AACS: variants seen among roughly 807,000 people sequenced by gnomAD.
AACS encodes acetoacetyl-CoA synthetase.
A neutral mutation model predicts 83.1 loss-of-function variants in AACS; 69 were observed. That is an observed-to-expected ratio of 0.83 (90% CI 0.68 to 1.01). The LOEUF (loss-of-function observed/expected upper bound fraction) is 1.01, where lower values mean the gene tolerates loss of function less well. Ranked by LOEUF, AACS falls within the 50% of genes least tolerant of loss-of-function variation. The probability of loss-of-function intolerance (pLI) is 0.00; values close to 1 mark genes in which losing one functional copy is unlikely to be tolerated. For synonymous variants in AACS, 333 were observed against 343.4 expected, an observed-to-expected ratio of 0.97 and a Z score of 0.33; for missense variants, 866 against 882.2, an observed-to-expected ratio of 0.98 and a Z score of 0.23.
In AACS at chr12:125,142,152, G is replaced by A. The variant is rs765733198; in HGVS notation, c.1942G>A (p.Val648Met). Reference protein sequence around the residue: ...AVKQIIAGKAVEQGGAFSNPE... With the variant: ...AVKQIIAGKAMEQGGAFSNPE... The stretch of plus-strand genomic sequence containing the variant: ...CAAACAGATCATCGCTGGAAAAGCC[G>A]TGGAGCAAGGAGGTGCTTTCTCGAA... Residue 648 changes from valine (V) to methionine (M), a missense_variant, in exon 18 of 18, where the codon GTG becomes ATG. Coordinates refer to ENST00000316519, the MANE Select transcript of AACS (RefSeq NM_023928.5). 9 of 1,614,066 alleles carry A rather than the reference G, an allele frequency of 5.6e-6. No homozygotes were observed. The highest frequency in any genetic ancestry group is 5.3e-5 in the African/African-American group (4 of 74,900).
chr12:125,098,695 C>T (rs765458486), intron 5 of AACS, among the ~76,000 whole-genome samples: 45 of 152,356 alleles, frequency 3.0e-4, no homozygotes, highest in Non-Finnish European at 4.4e-4. Flanking sequence ...TCAAGTGATC[C>T]ACCCGCCTTG....
intron 12 of AACS, chr12:125,127,947 C>T (rs1435090574): frequency 1.5e-5 from 6 of 399,604 alleles, no homozygotes; most frequent in African/African-American, 6.2e-5. Context: ...TCGGCTAAAA[C>T]GTCAATCACC....
intron 8 of AACS, among the ~76,000 whole-genome samples, chr12:125,110,980 T>C (rs1956942430): frequency 6.6e-6 from 1 of 152,060 alleles, no homozygotes. Context: ...GTGAAATAGA[T>C]TGAAGGTCCA....
At chr12:125,096,307 GGCCTGGCACATAGTAA>G (rs1411459566) in intron 5 of AACS, among the ~76,000 whole-genome samples, 15 of 152,322 alleles carry the variant, frequency 9.8e-5, no homozygotes, top group African/African-American at 3.6e-4. Context: ...CTCAGACTGG[GGCCTGGCACATAGTAA>G]GCATTCAGTA....
chr12:125,080,106 T>C (rs764418728), intron 3 of AACS, among the ~76,000 whole-genome samples: 1 of 152,240 alleles, frequency 6.6e-6, no homozygotes, highest in South Asian at 2.1e-4. Flanking sequence ...AAGAGGCTCC[T>C]GTGAGACTGG....
chr12:125,134,475 A>G (rs1957371973), intron 15 of AACS, among the ~76,000 whole-genome samples: 2 of 152,100 alleles, frequency 1.3e-5, no homozygotes, highest in South Asian at 2.1e-4. Flanking sequence ...CTGCCCTGTG[A>G]TGGGGTTCTC....
chr12:125,136,891 G>C lies in AACS; in HGVS notation c.1881+27G>C, dbSNP rs145105180. ...TATGGCCATCTCCCGCCAGCGAGGA[G>C]ACCGCAGCCATCGCCCCACGAGCCC... On this transcript the variant is annotated intron_variant, in intron 17 of 17. Coordinates refer to ENST00000316519, the MANE Select transcript of AACS (RefSeq NM_023928.5). 4.1e-4 allele frequency: 664 copies of C among 1,608,226 alleles called. 5 individuals are homozygous for C. In the African/African-American group the frequency reaches 7.6e-3, roughly 18 times the overall value.
Position 125,125,072 on chromosome 12 carries a change from A to T in AACS, c.1309+48A>T, listed in dbSNP as rs368373480. On this transcript the variant is annotated intron_variant, in intron 12 of 17. Transcript: ENST00000316519. Reference sequence around the variant, plus strand: ...CCTTCCAGCCATCCCCGCCGGCCCCATAAGTATGCACACCTCTGCCCAGTG... The same window carrying T: ...CCTTCCAGCCATCCCCGCCGGCCCCTTAAGTATGCACACCTCTGCCCAGTG... 2.4e-5 allele frequency: 38 copies of T among 1,612,132 alleles called. 1 individual carries two copies. The South Asian group carries it at 4.0e-4, about 17-fold the overall frequency.
chr12:125,091,285 G>A, intron 4 of AACS, 141 bp from the exon 5 acceptor site: 3 of 744,072 alleles, frequency 4.0e-6, no homozygotes, highest in African/African-American at 1.7e-5. Context: ...CATCTGGGCG[G>A]GGGCTGGTGG....
chr12:125,065,470 A>C lies in AACS; in HGVS notation c.-115A>C, dbSNP rs1955659566. 13 of 1,177,266 alleles carry C rather than the reference A, an allele frequency of 1.1e-5. No homozygotes were observed. Among genetic ancestry groups the C allele is most frequent in the Non-Finnish European group, 1.4e-5 (13 of 902,946 alleles). The allele number at this position is 1,177,266 out of a possible 1,614,324, so 72.9% of individuals were successfully genotyped here. ...TCCCCGCCGCCGCCGTCGCTGACCC[A>C]GCCCGCCAGGCGCTCCTGACCGTCG... On this transcript the variant is annotated 5_prime_UTR_variant, in exon 1 of 18. Transcript: ENST00000316519.
At chr12:125,100,467 G>A (rs1454649037) in intron 5 of AACS, among the ~76,000 whole-genome samples, 1 of 152,220 alleles carries the variant, frequency 6.6e-6, no homozygotes, top group Admixed American at 6.5e-5. Context: ...GTATGTTCTG[G>A]GGAGTGGGAA....
intron 2 of AACS, among the ~76,000 whole-genome samples, chr12:125,074,668 T>C (rs1487818807): frequency 6.8e-6 from 1 of 145,996 alleles, no homozygotes; most frequent in South Asian, 2.2e-4. Flanking sequence ...TAGTTTTTTT[T>C]TTTTTTTTTT....
intron 8 of AACS, 24 bp from the exon 9 acceptor site, chr12:125,114,453 C>A: frequency 1.2e-6 from 2 of 1,607,734 alleles, no homozygotes; most frequent in Middle Eastern, 1.7e-4. Context: ...AGAGAGCACC[C>A]GCTCCCCCGT....
chr12:125,082,347 T>C (rs1956211723), intron 3 of AACS, among the ~76,000 whole-genome samples: 1 of 151,164 alleles, frequency 6.6e-6, no homozygotes, highest in African/African-American at 2.4e-5. Flanking sequence ...ATTTCATTTT[T>C]TTTTTTTTTT....
At chr12:125,135,338 G>A (rs544778348) in intron 16 of AACS, among the ~76,000 whole-genome samples, 5 of 152,034 alleles carry the variant, frequency 3.3e-5, no homozygotes, top group South Asian at 2.1e-4. Context: ...CAAGTGATCC[G>A]CCTGCCTCGG....
At chr12:125,085,098 G>A (rs547918645) in intron 3 of AACS, among the ~76,000 whole-genome samples, 3 of 152,226 alleles carry the variant, frequency 2.0e-5, no homozygotes, top group Non-Finnish European at 2.9e-5. Context: ...AGGGGTCAGG[G>A]ATGACTATAA....
chr12:125,098,882 G>A (rs564924673), intron 5 of AACS, among the ~76,000 whole-genome samples: 1 of 152,224 alleles, frequency 6.6e-6, no homozygotes, highest in South Asian at 2.1e-4. Context: ...CAGATTTTGT[G>A]TGCAGCTGTT....
At chr12:125,133,884 A>T in intron 14 of AACS, 119 bp from the exon 15 acceptor site, 14 of 984,970 alleles carry the variant, frequency 1.4e-5, no homozygotes, top group Non-Finnish European at 2.2e-5. Context: ...CCCCAGCCCC[A>T]TGCCAGACCT....
chr12:125,135,231 A>G (rs1228698888), intron 16 of AACS, among the ~76,000 whole-genome samples: 1 of 149,806 alleles, frequency 6.7e-6, no homozygotes, highest in Non-Finnish European at 1.5e-5. Context: ...AGTAGCTGGG[A>G]TGATAGACAT....
Sources: gnomAD v4.1 joint callset for allele counts (sites outside exome capture counted in the v4.1 genomes callset) on GRCh38, gnomAD v4.1.1 for gene constraint, MANE v1.5 for transcripts, NCBI Gene and HGNC (gene_info 2026-07-23, HGNC 2026-07-21) for gene names.